Variants in IL1RAPL2 observed in about 807,000 individuals in gnomAD.
The protein encoded by IL1RAPL2 is interleukin 1 receptor accessory protein like 2.
Under a neutral mutation model 44.1 loss-of-function variants are expected in IL1RAPL2, and 3 were observed. That is an observed-to-expected ratio of 0.07 (90% confidence interval 0.03 to 0.18). IL1RAPL2 has a LOEUF of 0.18. IL1RAPL2 is among the 10% of genes least tolerant of loss of function. The pLI, the probability that IL1RAPL2 is intolerant of heterozygous loss-of-function variation, is 1.00. For synonymous variants in IL1RAPL2, 181 were observed against 178.8 expected, an observed-to-expected ratio of 1.01 and a Z score of -0.10; for missense variants, 391 against 496.4, an observed-to-expected ratio of 0.79 and a Z score of 2.02.
intron 5 of IL1RAPL2, among the ~76,000 whole-genome samples, chrX:105,469,185 A>G (rs2036150027): frequency 9.0e-6 from 1 of 111,466 alleles, no homozygotes; most frequent in Admixed American, 9.6e-5. Flanking sequence ...TAAGAAACCC[A>G]TTGATAGATT....
chrX:105,342,706 G>A (rs979377905), intron 5 of IL1RAPL2, among the ~76,000 whole-genome samples: 2 of 112,028 alleles, frequency 1.8e-5, no homozygotes, highest in African/African-American at 6.5e-5. Flanking sequence ...GTAAATTTCT[G>A]GGACAAAATG....
chrX:105,563,269 G>A (rs1456466895), intron 6 of IL1RAPL2, among the ~76,000 whole-genome samples: 2 of 111,685 alleles, frequency 1.8e-5, no homozygotes, highest in Non-Finnish European at 3.8e-5. Flanking sequence ...ACTTGTCCAA[G>A]GAAACATAAC....
At chrX:104,912,137 ATT>A (rs11319968) in intron 2 of IL1RAPL2, among the ~76,000 whole-genome samples, 36,588 of 105,330 alleles carry the variant, frequency 0.35, 5,504 homozygotes, top group East Asian at 0.47. Context: ...GTGGACAGGG[ATT>A]TTTTTTTTTC....
At chrX:105,735,138 T>G (rs1043332391) in intron 7 of IL1RAPL2, among the ~76,000 whole-genome samples, 1 of 111,608 alleles carries the variant, frequency 9.0e-6, no homozygotes, top group South Asian at 3.7e-4. Flanking sequence ...TCCAAACTCT[T>G]TATAGTATTA....
intron 6 of IL1RAPL2, among the ~76,000 whole-genome samples, chrX:105,678,802 C>A (rs1349126903): frequency 1.8e-5 from 2 of 111,441 alleles, no homozygotes; most frequent in Admixed American, 9.6e-5. Context: ...CAGAGAGCAA[C>A]AATTCTCTTG....
chrX:104,722,603 A>C (rs1324799113), intron 2 of IL1RAPL2, among the ~76,000 whole-genome samples: 1 of 112,008 alleles, frequency 8.9e-6, no homozygotes, highest in African/African-American at 3.2e-5. Context: ...CAAAATGTTA[A>C]GTGAGCCTCA....
intron 2 of IL1RAPL2, among the ~76,000 whole-genome samples, chrX:104,931,994 A>T (rs55835751): frequency 0.011 from 611 of 57,814 alleles, 9 homozygotes; most frequent in East Asian, 0.051. Context: ...ATATATATAT[A>T]TATTTTTTTT....
In IL1RAPL2 at chrX:105,225,381, T is replaced by A. The variant is rs782304915; in HGVS notation, c.357-8437T>A. Among the ~76,000 whole-genome samples, 568 of 112,261 alleles carry A rather than the reference T, an allele frequency of 5.1e-3. 6 individuals carry two copies. Among genetic ancestry groups the A allele is most frequent in the African/African-American group, 0.018 (549 of 30,935 alleles). ...TAACCTTGTCCACAAGCTACTTTTT[T>A]AAAAAACAATTACAAGAAGAAGAAA... On this transcript the variant is annotated intron_variant, in intron 3 of 10. Coordinates refer to ENST00000372582, the MANE Select transcript of IL1RAPL2 (RefSeq NM_017416.2).
intron 2 of IL1RAPL2, among the ~76,000 whole-genome samples, chrX:104,792,353 G>C (rs1932830498): frequency 9.0e-6 from 1 of 110,854 alleles, no homozygotes; most frequent in Non-Finnish European, 1.9e-5. Context: ...TCACTGTCTA[G>C]TAAGGTTTCC....
intron 6 of IL1RAPL2, among the ~76,000 whole-genome samples, chrX:105,583,905 G>A (rs969576971): frequency 8.9e-6 from 1 of 111,773 alleles, no homozygotes; most frequent in African/African-American, 3.2e-5. Context: ...TGCTTTTGCT[G>A]TATCATACAA....
intron 2 of IL1RAPL2, among the ~76,000 whole-genome samples, chrX:104,931,980 A>G (rs199933879): frequency 3.6e-5 from 1 of 28,078 alleles, no homozygotes; most frequent in African/African-American, 1.4e-4. Context: ...GTGTGTTTGT[A>G]TATATATATA....
rs765659092 is a variant in IL1RAPL2 at position 104,892,403 on chromosome X, C to T, written c.82+233408C>T. On this transcript the variant is annotated intron_variant, in intron 2 of 10. Coordinates refer to ENST00000372582, the MANE Select transcript of IL1RAPL2 (RefSeq NM_017416.2). ...TCCTCCTTGTACCTCTAGTAGAATT[C>T]GGCTGTGAATCTGTCTGCTCCTGGA... is the stretch of plus-strand genomic sequence containing the variant. Among the ~76,000 whole-genome samples, 13 of 111,589 alleles carry T rather than the reference C, an allele frequency of 1.2e-4. No homozygotes were observed. In the South Asian group the frequency reaches 4.9e-3, roughly 42 times the overall value.
intron 2 of IL1RAPL2, among the ~76,000 whole-genome samples, chrX:105,046,296 T>C (rs758141141): frequency 1.8e-5 from 2 of 111,862 alleles, no homozygotes; most frequent in Non-Finnish European, 3.8e-5. Context: ...CCATGAATAG[T>C]GTCAGCCTGA....
At chrX:104,883,021 T>C (rs1923114271) in intron 2 of IL1RAPL2, among the ~76,000 whole-genome samples, 1 of 111,242 alleles carries the variant, frequency 9.0e-6, no homozygotes, top group Non-Finnish European at 1.9e-5. Context: ...TCTGAAGATC[T>C]GAAGGAACAA....
chrX:105,741,085 G>A (rs1368451186), intron 8 of IL1RAPL2, among the ~76,000 whole-genome samples: 1 of 110,781 alleles, frequency 9.0e-6, no homozygotes, highest in Non-Finnish European at 1.9e-5. Flanking sequence ...TTTATTCCCT[G>A]ACTAAAAAAT....
At chrX:105,754,981 T>TG (rs2147589752) in intron 9 of IL1RAPL2, among the ~76,000 whole-genome samples, 196 bp from the exon 10 acceptor site, 1 of 112,408 alleles carries the variant, frequency 8.9e-6, no homozygotes, top group African/African-American at 3.2e-5. Flanking sequence ...TGACTATAGG[T>TG]GGCCCATTGC....
At chrX:105,357,030 T>C (rs1428332354) in intron 5 of IL1RAPL2, among the ~76,000 whole-genome samples, 1 of 111,692 alleles carries the variant, frequency 9.0e-6, no homozygotes, top group Admixed American at 9.5e-5. Context: ...AGCCACACTA[T>C]GCAGACTATA....
rs755368516 is a variant in IL1RAPL2, at chrX:104,597,038, GAA to G, written c.-20+29990_-20+29991del. ...GGAAGCCAAAGGAGAACTATATGCT[GAA>G]AAGAGACATGATAGGCCAGGCATGG... On this transcript the variant is annotated intron_variant, in intron 1 of 10. Coordinates refer to ENST00000372582, the MANE Select transcript of IL1RAPL2 (RefSeq NM_017416.2). Among the ~76,000 whole-genome samples, 24 of 111,129 alleles carry G rather than the reference GAA, an allele frequency of 2.2e-4. 1 individual carries two copies. The highest frequency in any genetic ancestry group is 4.0e-4 in the Non-Finnish European group (21 of 53,007).
At chrX:105,161,919 G>A (rs1054757548) in intron 2 of IL1RAPL2, among the ~76,000 whole-genome samples, 34 of 111,694 alleles carry the variant, frequency 3.0e-4, no homozygotes, top group African/African-American at 1.0e-3. Context: ...TCCTAAAAGC[G>A]GTGTTATGGG....
Sources: allele counts gnomAD v4.1 joint callset (sites outside exome capture counted in the v4.1 genomes callset), GRCh38; gene constraint gnomAD v4.1.1; transcripts MANE v1.5; gene names NCBI Gene and HGNC (gene_info 2026-07-23, HGNC 2026-07-21).